Variants in TTC28 observed in about 807,000 individuals in gnomAD.
TTC28 encodes tetratricopeptide repeat protein 28.
Under a neutral mutation model 198.0 loss-of-function variants are expected in TTC28, and 61 were observed. The observed-to-expected ratio is 0.31, with a 90% CI of 0.25 to 0.38. The LOEUF is 0.38. Among genes scored for constraint, TTC28 ranks in the 10% least tolerant of loss-of-function variants. The probability of loss-of-function intolerance (pLI) is 1.00; values close to 1 mark genes in which losing one functional copy is unlikely to be tolerated. For missense variants in TTC28, 2,678 were observed against 3,164.0 expected (o/e 0.85, Z 3.69); for synonymous variants, 1,171 against 1,297.8 (o/e 0.90, Z 2.10).
chr22:28,089,623 C>T (rs533879252), intron 12 of TTC28, among the ~76,000 whole-genome samples: 1 of 148,580 alleles, frequency 6.7e-6, no homozygotes, highest in Admixed American at 6.8e-5. Flanking sequence ...ATGTAACTAA[C>T]CTGCACGTTG....
chr22:28,679,377 G>C (rs2052054018), intron 1 of TTC28, among the ~76,000 whole-genome samples: 1 of 152,134 alleles, frequency 6.6e-6, no homozygotes, highest in Non-Finnish European at 1.5e-5. Context: ...ACCCCGGTGT[G>C]CGCAGGCCAA....
chr22:28,428,429 C>T (rs967824451), intron 2 of TTC28, among the ~76,000 whole-genome samples: 1 of 152,084 alleles, frequency 6.6e-6, no homozygotes, highest in Admixed American at 6.6e-5. Context: ...ATTTCCTCCT[C>T]CTTTCTCCTG....
chr22:27,990,285 G>A (rs563039520), intron 20 of TTC28, among the ~76,000 whole-genome samples: 13 of 152,328 alleles, frequency 8.5e-5, no homozygotes, highest in African/African-American at 3.1e-4. Context: ...AGGCGTGGGA[G>A]AGCCTCACAG....
intron 12 of TTC28, among the ~76,000 whole-genome samples, chr22:28,058,899 T>C (rs1018087563): frequency 6.6e-6 from 1 of 152,082 alleles, no homozygotes; most frequent in African/African-American, 2.4e-5. Flanking sequence ...AAGTTGTTCA[T>C]AGTATTCTCT....
intron 10 of TTC28, among the ~76,000 whole-genome samples, chr22:28,097,039 A>G (rs1942000815): frequency 6.6e-6 from 1 of 152,076 alleles, no homozygotes; most frequent in South Asian, 2.1e-4. Context: ...TCCTGGCCTC[A>G]AGTGATCCAC....
intron 2 of TTC28, among the ~76,000 whole-genome samples, chr22:28,336,447 A>G (rs980769779): frequency 1.1e-4 from 17 of 152,172 alleles, no homozygotes; most frequent in East Asian, 3.8e-4. Context: ...GGTAGAATTC[A>G]GCAGTGAATC....
intron 2 of TTC28, among the ~76,000 whole-genome samples, chr22:28,574,812 T>C (rs1199469021): frequency 6.6e-6 from 1 of 152,214 alleles, no homozygotes; most frequent in Non-Finnish European, 1.5e-5. Context: ...CTTTTTGCCA[T>C]TTGTATGTCT....
intron 5 of TTC28, among the ~76,000 whole-genome samples, chr22:28,219,525 A>C (rs188441024): frequency 6.6e-6 from 1 of 152,168 alleles, no homozygotes; most frequent in African/African-American, 2.4e-5. Flanking sequence ...AAGAAAAAAA[A>C]AACAGCCATT....
intron 6 of TTC28, among the ~76,000 whole-genome samples, chr22:28,136,017 A>G (rs929287150): frequency 6.6e-6 from 1 of 152,260 alleles, no homozygotes; most frequent in East Asian, 1.9e-4. Context: ...TTGCAGAATA[A>G]TACTATTGTA....
intron 6 of TTC28, among the ~76,000 whole-genome samples, chr22:28,143,430 G>A (rs549300277): frequency 1.3e-5 from 2 of 152,320 alleles, no homozygotes; most frequent in East Asian, 3.9e-4. Context: ...AAAAGCCACT[G>A]CTAACTCCAA....
At chr22:28,573,494 A>G (rs2050095476) in intron 2 of TTC28, among the ~76,000 whole-genome samples, 1 of 151,950 alleles carries the variant, frequency 6.6e-6, no homozygotes, top group African/African-American at 2.4e-5. Flanking sequence ...AAATAAGAGA[A>G]GCAATAAAGA....
At chr22:27,995,115 G>GC (rs1463490263) in intron 17 of TTC28, among the ~76,000 whole-genome samples, 1 of 152,216 alleles carries the variant, frequency 6.6e-6, no homozygotes, top group African/African-American at 2.4e-5. Flanking sequence ...AGGCCCAGGT[G>GC]CCAGGGTTCT....
intron 5 of TTC28, among the ~76,000 whole-genome samples, chr22:28,234,503 G>T (rs577143515): frequency 6.6e-6 from 1 of 152,020 alleles, no homozygotes; most frequent in East Asian, 1.9e-4. Context: ...CTCCTGAGTA[G>T]CTGGGATTAT....
At chr22:28,017,736 A>G (rs1938428428) in intron 13 of TTC28, among the ~76,000 whole-genome samples, 2 of 152,142 alleles carry the variant, frequency 1.3e-5, no homozygotes, top group South Asian at 4.1e-4. Context: ...GGCTTGCCTG[A>G]TCAAGAAGTT....
intron 5 of TTC28, among the ~76,000 whole-genome samples, chr22:28,214,869 C>G (rs1204649273): frequency 6.6e-6 from 1 of 152,160 alleles, no homozygotes; most frequent in Non-Finnish European, 1.5e-5. Context: ...ATAGCAAAGA[C>G]TTGGAACCAA....
intron 2 of TTC28, among the ~76,000 whole-genome samples, chr22:28,380,295 GTTTGT>G (rs1484856851): frequency 1.3e-5 from 2 of 151,998 alleles, no homozygotes; most frequent in African/African-American, 4.8e-5. Context: ...TGTTTTGTCT[GTTTGT>G]TTTAATTAAA....
chr22:28,198,646 T>C (rs1925602537), intron 5 of TTC28, among the ~76,000 whole-genome samples: 1 of 152,116 alleles, frequency 6.6e-6, no homozygotes, highest in African/African-American at 2.4e-5. Context: ...TTCTCCTTCA[T>C]GAAGCAGTTC....
intron 12 of TTC28, among the ~76,000 whole-genome samples, chr22:28,068,880 G>C (rs1327688477): frequency 6.6e-6 from 1 of 152,138 alleles, no homozygotes; most frequent in Non-Finnish European, 1.5e-5. Flanking sequence ...CATTTCCCTT[G>C]CTCTCAAATT....
Position 27,981,230 on chromosome 22 carries a change from ATTTTTTTTTTT to A in TTC28, c.*980_*990del, listed in dbSNP as rs138635. 479 of 48,150 alleles carry A rather than the reference ATTTTTTTTTTT, an allele frequency of 9.9e-3. 2 individuals are homozygous for A. The highest frequency in any genetic ancestry group is 0.039 in the East Asian group (56 of 1,436). The allele number at this position is 48,150 out of a possible 1,614,324, so 3.0% of individuals were successfully genotyped here. The stretch of plus-strand genomic sequence containing the variant: ...TGGTTAAATCTAGTTAGCCATGGAA[ATTTTTTTTTTT>A]TTTTTTTTTTTTTTTTTTTTTTTTT... On this transcript the variant is annotated 3_prime_UTR_variant, in exon 23 of 23. Transcript: ENST00000397906.
Sources: gnomAD v4.1 joint callset for allele counts (sites outside exome capture counted in the v4.1 genomes callset) on GRCh38, gnomAD v4.1.1 for gene constraint, MANE v1.5 for transcripts, NCBI Gene and HGNC (gene_info 2026-07-23, HGNC 2026-07-21) for gene names.